Variants in XKR6 observed in about 807,000 individuals in gnomAD.
XKR6 encodes XK-related protein 6.
In XKR6, 22 loss-of-function variants were observed where a neutral mutation model predicts 56.7. The observed-to-expected ratio is 0.39, with a 90% CI of 0.28 to 0.55. XKR6 has a LOEUF of 0.55. Among genes scored for constraint, XKR6 ranks in the 20% least tolerant of loss-of-function variants. XKR6 has a pLI of 0.66. For synonymous variants in XKR6, 524 were observed against 387.8 expected, an observed-to-expected ratio of 1.35 and a Z score of -4.13; for missense variants, 852 against 889.0, an observed-to-expected ratio of 0.96 and a Z score of 0.53.
chr8:11,026,326 G>A (rs577608775), intron 1 of XKR6, among the ~76,000 whole-genome samples: 1 of 151,348 alleles, frequency 6.6e-6, no homozygotes, highest in Admixed American at 6.6e-5. Flanking sequence ...AGATGGTCTA[G>A]CCTACTATAC....
chr8:10,912,895 T>C (rs1420647008), intron 2 of XKR6, among the ~76,000 whole-genome samples: 3 of 150,964 alleles, frequency 2.0e-5, no homozygotes, highest in Non-Finnish European at 4.4e-5. Flanking sequence ...TGTGTGTTTA[T>C]ATATAAAGAG....
At chr8:11,056,794 G>C (rs1799695731) in intron 1 of XKR6, among the ~76,000 whole-genome samples, 1 of 152,154 alleles carries the variant, frequency 6.6e-6, no homozygotes, top group Non-Finnish European at 1.5e-5. Flanking sequence ...TTGCAGTCTT[G>C]GGTGCATCTG....
chr8:11,118,992 G>T (rs748397784), intron 1 of XKR6, among the ~76,000 whole-genome samples: 20 of 152,066 alleles, frequency 1.3e-4, no homozygotes, highest in Non-Finnish European at 2.6e-4. Flanking sequence ...GTCTCTGAGA[G>T]ATTCTGGTAT....
intron 1 of XKR6, among the ~76,000 whole-genome samples, chr8:11,180,923 T>A (rs1314041677): frequency 1.3e-5 from 2 of 152,068 alleles, no homozygotes; most frequent in East Asian, 1.9e-4. Flanking sequence ...ATAAAAATAA[T>A]AAAATGTTGT....
intron 1 of XKR6, among the ~76,000 whole-genome samples, chr8:11,158,668 T>C (rs1801643124): frequency 6.6e-6 from 1 of 152,230 alleles, no homozygotes; most frequent in Non-Finnish European, 1.5e-5. Context: ...CACAGGTCTC[T>C]GTGCTCAATT....
At chr8:10,948,586 G>A (rs1801619409) in intron 1 of XKR6, among the ~76,000 whole-genome samples, 1 of 152,114 alleles carries the variant, frequency 6.6e-6, no homozygotes, top group South Asian at 2.1e-4. Context: ...CACCTCAGTA[G>A]CTACCCTACA....
intron 1 of XKR6, among the ~76,000 whole-genome samples, chr8:11,140,437 A>G (rs1353850157): frequency 6.6e-6 from 1 of 152,218 alleles, no homozygotes; most frequent in African/African-American, 2.4e-5. Flanking sequence ...GGGAAATATC[A>G]CTGCACATTT....
chr8:11,125,428 A>G (rs541292060), intron 1 of XKR6, among the ~76,000 whole-genome samples: 1 of 152,312 alleles, frequency 6.6e-6, no homozygotes, highest in African/African-American at 2.4e-5. Context: ...CAAGATCTAG[A>G]AACAACTCCA....
rs34746866 is a variant in XKR6, at chr8:11,114,773, G to GTGTGTGTGTGTGTGTA, written c.764+85802_764+85803insTACACACACACACACA. ...TGTGTGTGTGTGTGTGTGTGTGTGT[G>GTGTGTGTGTGTGTGTA]TATGTGCCAGGGCAAGAAAGGTCAG... On this transcript the variant is annotated intron_variant, in intron 1 of 2. Transcript: ENST00000416569. 1.1e-4 allele frequency among the ~76,000 whole-genome samples: 16 copies of GTGTGTGTGTGTGTGTA among 146,618 alleles called. No individual in the cohort carries two copies. The South Asian group carries it at 3.1e-3, about 28-fold the overall frequency.
chr8:10,937,343 TG>T, intron 1 of XKR6, among the ~76,000 whole-genome samples: 1 of 148,734 alleles, frequency 6.7e-6, no homozygotes, highest in East Asian at 2.0e-4. Context: ...GCCTTTGGTT[TG>T]AATGTCCTCC....
chr8:11,163,621 C>T (rs921785084), intron 1 of XKR6, among the ~76,000 whole-genome samples: 4 of 152,206 alleles, frequency 2.6e-5, no homozygotes, highest in South Asian at 2.1e-4. Flanking sequence ...TGAATGTGGT[C>T]GAGACACTCA....
At chr8:11,137,364 G>A (rs1044697429) in intron 1 of XKR6, 2 of 335,364 alleles carry the variant, frequency 6.0e-6, no homozygotes, top group Non-Finnish European at 1.2e-5. Flanking sequence ...ATACAAAGGA[G>A]TCCAGGATAA....
chr8:11,053,641 C>T (rs888025628), intron 1 of XKR6, among the ~76,000 whole-genome samples: 10 of 152,236 alleles, frequency 6.6e-5, no homozygotes, highest in South Asian at 2.1e-4. Flanking sequence ...AATTTATCAA[C>T]GGCTTGTTCT....
intron 1 of XKR6, among the ~76,000 whole-genome samples, chr8:11,014,058 A>G (rs1182375509): frequency 2.0e-5 from 3 of 152,188 alleles, no homozygotes; most frequent in Non-Finnish European, 4.4e-5. Context: ...GGCTCTCTAG[A>G]TCCATCATAA....
At chr8:10,925,024 G>A (rs1271947838) in intron 1 of XKR6, among the ~76,000 whole-genome samples, 194 bp from the exon 2 acceptor site, 2 of 152,124 alleles carry the variant, frequency 1.3e-5, no homozygotes, top group African/African-American at 2.4e-5. Flanking sequence ...GGGGAGGGGC[G>A]GGGCAGGTCA....
intron 1 of XKR6, chr8:11,002,483 C>G (rs1484403704): frequency 5.0e-6 from 2 of 397,472 alleles, no homozygotes; most frequent in South Asian, 4.0e-5. Context: ...GAAAAAGACT[C>G]AAGAATCAAA....
intron 1 of XKR6, chr8:11,105,177 G>C (rs530103042): frequency 1.3e-5 from 2 of 152,026 alleles, no homozygotes; most frequent in Admixed American, 1.3e-4. Flanking sequence ...TTTATTGCAC[G>C]GTTCCAAGAA....
At chr8:10,903,290 G>A (rs938852405) in intron 2 of XKR6, among the ~76,000 whole-genome samples, 14 of 152,152 alleles carry the variant, frequency 9.2e-5, no homozygotes, top group African/African-American at 3.4e-4. Context: ...TTCTTCCTCA[G>A]AGGGCCATCA....
At chr8:11,092,921 G>T (rs1416436712) in intron 1 of XKR6, among the ~76,000 whole-genome samples, 1 of 152,202 alleles carries the variant, frequency 6.6e-6, no homozygotes, top group Non-Finnish European at 1.5e-5. Flanking sequence ...GGAGCAACTG[G>T]CCCAGGACCC....
Sources: allele counts gnomAD v4.1 joint callset (sites outside exome capture counted in the v4.1 genomes callset), GRCh38; gene constraint gnomAD v4.1.1; transcripts MANE v1.5; gene names NCBI Gene and HGNC (gene_info 2026-07-23, HGNC 2026-07-21).